The following HS6ST2 variants were observed in gnomAD, a reference collection of about 807,000 sequenced individuals.
HS6ST2 encodes the protein heparan sulfate 6-O-sulfotransferase 2, also known as heparan-sulfate 6-O-sulfotransferase 2.
Under a neutral mutation model 33.0 loss-of-function variants are expected in HS6ST2, and 17 were observed. That is an observed-to-expected ratio of 0.52 (90% CI 0.35 to 0.77). The LOEUF (loss-of-function observed/expected upper bound fraction) is 0.77, where lower values mean the gene tolerates loss of function less well. Among genes scored for constraint, HS6ST2 ranks in the 30% least tolerant of loss-of-function variants. HS6ST2 has a pLI of 0.01. For missense variants in HS6ST2, 519 were observed against 551.7 expected, an observed-to-expected ratio of 0.94 and a Z score of 0.59; for synonymous variants, 248 against 237.1, an observed-to-expected ratio of 1.05 and a Z score of -0.42.
At chrX:132,763,199 C>T (rs1422289557) in intron 2 of HS6ST2, among the ~76,000 whole-genome samples, 1 of 111,729 alleles carries the variant, frequency 9.0e-6, no homozygotes, top group Non-Finnish European at 1.9e-5. Flanking sequence ...TGAAGAGTGG[C>T]TTGTGGGGTC....
intron 2 of HS6ST2, among the ~76,000 whole-genome samples, chrX:132,867,908 T>C (rs376487372): frequency 1.8e-5 from 2 of 111,705 alleles, no homozygotes; most frequent in East Asian, 5.6e-4. Flanking sequence ...AGCATCATAA[T>C]GAAAGGATCA....
intron 2 of HS6ST2, among the ~76,000 whole-genome samples, chrX:132,951,811 T>C (rs1322638889): frequency 8.9e-6 from 1 of 112,426 alleles, no homozygotes; most frequent in Non-Finnish European, 1.9e-5. Context: ...AGATGGACTT[T>C]TGTCTATTTT....
chrX:132,677,362 T>C (rs1383000911), intron 3 of HS6ST2, among the ~76,000 whole-genome samples: 3 of 112,181 alleles, frequency 2.7e-5, no homozygotes, highest in African/African-American at 9.7e-5. Context: ...TTTGTTTCAC[T>C]TTCTACTTAA....
intron 2 of HS6ST2, among the ~76,000 whole-genome samples, chrX:132,730,469 C>T (rs183633643): frequency 2.6e-3 from 293 of 112,451 alleles, no homozygotes; most frequent in African/African-American, 9.0e-3. Flanking sequence ...GGAATTTAAC[C>T]TGGCATCAGC....
intron 4 of HS6ST2, among the ~76,000 whole-genome samples, chrX:132,642,884 T>C (rs1401755236): frequency 8.9e-6 from 1 of 112,460 alleles, no homozygotes; most frequent in Non-Finnish European, 1.9e-5. Context: ...TTTGATGGCA[T>C]AGAGACTTTG....
At chrX:132,669,701 G>T (rs986177817) in intron 3 of HS6ST2, 1 of 110,308 alleles carries the variant, frequency 9.1e-6, no homozygotes, top group African/African-American at 3.3e-5. Context: ...ATGTTACATG[G>T]GAAGTCCGTG....
intron 2 of HS6ST2, among the ~76,000 whole-genome samples, chrX:132,714,583 T>C (rs894378987): frequency 7.2e-5 from 8 of 111,377 alleles, no homozygotes; most frequent in Admixed American, 4.8e-4. Context: ...CCTCCCAAAG[T>C]GTTGGGATTA....
chrX:132,740,468 G>T (rs774990722), intron 2 of HS6ST2, among the ~76,000 whole-genome samples: 1 of 111,479 alleles, frequency 9.0e-6, no homozygotes, highest in Non-Finnish European at 1.9e-5. Context: ...TCACAATAGC[G>T]GGGGTGTGGG....
chrX:132,632,088 A>T (rs11795684), intron 4 of HS6ST2, among the ~76,000 whole-genome samples: 15,590 of 110,226 alleles, frequency 0.14, 926 homozygotes, highest in Middle Eastern at 0.3. Flanking sequence ...CTCAGTGTCT[A>T]CACTGTAGGG....
chrX:132,924,002 A>G (rs1358558822), intron 2 of HS6ST2, among the ~76,000 whole-genome samples: 1 of 112,368 alleles, frequency 8.9e-6, no homozygotes, highest in Non-Finnish European at 1.9e-5. Context: ...GTCTAAAAAA[A>G]ATGAAAATAT....
intron 2 of HS6ST2, among the ~76,000 whole-genome samples, chrX:132,867,313 C>T (rs1045557727): frequency 6.1e-4 from 66 of 107,484 alleles, no homozygotes; most frequent in Non-Finnish European, 1.1e-3. Flanking sequence ...ACCAGCCTTG[C>T]ATACCAGGGA....
At chrX:132,809,764 C>T (rs938748505) in intron 2 of HS6ST2, among the ~76,000 whole-genome samples, 1 of 111,802 alleles carries the variant, frequency 8.9e-6, no homozygotes, top group Non-Finnish European at 1.9e-5. Context: ...TGAGCTTCCC[C>T]AGGACAAAAA....
At chrX:132,771,847 G>A (rs1401363910) in intron 2 of HS6ST2, among the ~76,000 whole-genome samples, 2 of 111,906 alleles carry the variant, frequency 1.8e-5, no homozygotes, top group Non-Finnish European at 3.8e-5. Flanking sequence ...TTCAAAATTT[G>A]TAATTTATGA....
chrX:132,795,812 T>C (rs2065172171), intron 2 of HS6ST2, among the ~76,000 whole-genome samples: 1 of 111,311 alleles, frequency 9.0e-6, no homozygotes, highest in African/African-American at 3.3e-5. Flanking sequence ...TTTTGCCATG[T>C]TGCCCAGGCT....
chrX:132,788,710 C>A (rs2065089077), intron 2 of HS6ST2, among the ~76,000 whole-genome samples: 1 of 112,612 alleles, frequency 8.9e-6, no homozygotes, highest in Non-Finnish European at 1.9e-5. Context: ...AGGAAGAGTT[C>A]TTGAAGGAAA....
intron 2 of HS6ST2, among the ~76,000 whole-genome samples, chrX:132,851,359 G>A (rs2065799176): frequency 2.7e-5 from 3 of 112,246 alleles, no homozygotes; most frequent in South Asian, 3.7e-4. Context: ...AATGCCTCCC[G>A]TAAGATAAGT....
chrX:132,731,967 G>A (rs1179385450), intron 2 of HS6ST2, among the ~76,000 whole-genome samples: 1 of 111,668 alleles, frequency 9.0e-6, no homozygotes, highest in African/African-American at 3.3e-5. Context: ...CATATTTCAG[G>A]GCCGCCCTGG....
chrX:132,824,639 T>TTTG (rs1313540262), intron 2 of HS6ST2, among the ~76,000 whole-genome samples: 5 of 112,385 alleles, frequency 4.4e-5, no homozygotes, highest in East Asian at 5.6e-4. Context: ...CTCTAAGCAT[T>TTTG]TTGTTGTTGT....
At chrX:132,629,155 G>C (rs2063500192) in intron 4 of HS6ST2, 62 bp from the exon 5 acceptor site, 1 of 1,098,904 alleles carries the variant, frequency 9.1e-7, no homozygotes, top group Non-Finnish European at 1.2e-6. Context: ...GAGTCATGGA[G>C]GTACATGGCA....
Sources: allele counts gnomAD v4.1 joint callset (sites outside exome capture counted in the v4.1 genomes callset), GRCh38; gene constraint gnomAD v4.1.1; transcripts MANE v1.5; gene names NCBI Gene and HGNC (gene_info 2026-07-23, HGNC 2026-07-21).